The following TRIP4 variants were observed in gnomAD, a reference collection of about 807,000 sequenced individuals.
TRIP4 encodes activating signal cointegrator 1.
Under a neutral mutation model 81.8 loss-of-function variants are expected in TRIP4, and 54 were observed. The observed-to-expected ratio is 0.66, with a 90% CI of 0.53 to 0.83. The LOEUF is 0.83. Among genes scored for constraint, TRIP4 ranks in the 40% least tolerant of loss-of-function variants. The pLI is 0.00. For synonymous variants in TRIP4, 270 were observed against 242.8 expected, an observed-to-expected ratio of 1.11 and a Z score of -1.04; for missense variants, 662 against 683.6, an observed-to-expected ratio of 0.97 and a Z score of 0.35.
At chr15:64,411,294 T>A (rs969349277) in intron 7 of TRIP4, among the ~76,000 whole-genome samples, 1 of 152,198 alleles carries the variant, frequency 6.6e-6, no homozygotes, top group African/African-American at 2.4e-5. Flanking sequence ...TGAACGCTAA[T>A]GTAAACTATG....
rs1207887971 is a variant in TRIP4 at position 64,397,967 on chromosome 15, C to G, written c.618+149C>G. ...CCAGGCTGGAGTGCAGTGGCACGAT[C>G]TCGGCTCGCTGCAGGCTCTGCCTCC... On this transcript the variant is annotated intron_variant, in intron 4 of 12. Transcript: ENST00000261884. The G allele has an allele frequency of 4.9e-6, 4 of 814,338 alleles. No homozygotes were observed. In the East Asian group the frequency reaches 1.1e-4, roughly 22 times the overall value. 50.4% of individuals were successfully genotyped at this position (814,338 alleles called of 1,614,324 possible).
Position 64,451,967 on chromosome 15 carries a change from AAT to A in TRIP4, c.1679-3029_1679-3028del, listed in dbSNP as rs1491352763. ...TGTGCCCGGCCCAAAAAAAAAAAAA[AAT>A]TTTTTTTTTAGACAGGTCTCACTCT... is the stretch of plus-strand genomic sequence containing the variant. On this transcript the variant is annotated intron_variant, in intron 12 of 12. Transcript: ENST00000261884. Among the ~76,000 whole-genome samples, 7 of 147,466 alleles carry A rather than the reference AAT, an allele frequency of 4.7e-5. No individual in the cohort carries two copies. In the South Asian group the frequency reaches 6.5e-4, roughly 14 times the overall value.
chr15:64,402,346 C>A (rs1167938977), intron 5 of TRIP4, among the ~76,000 whole-genome samples: 1 of 150,258 alleles, frequency 6.7e-6, no homozygotes, highest in Non-Finnish European at 1.5e-5. Flanking sequence ...CCTCAGCCTC[C>A]CCAGTAGGTG....
intron 5 of TRIP4, among the ~76,000 whole-genome samples, chr15:64,403,238 C>T (rs1596339769): frequency 6.6e-6 from 1 of 152,110 alleles, no homozygotes; most frequent in East Asian, 1.9e-4. Context: ...CTGACTGCAA[C>T]CTCTGCCTCC....
chr15:64,425,241 G>A lies in TRIP4; in HGVS notation c.1484-299G>A, dbSNP rs149603143. ...CCAAACTCCAATCTGATCCAATGGC[G>A]TATAGTAGAATCGATTTGTATTAGG... On this transcript the variant is annotated intron_variant, in intron 10 of 12. Coordinates refer to ENST00000261884, the MANE Select transcript of TRIP4 (RefSeq NM_016213.5). 2.4e-4 allele frequency among the ~76,000 whole-genome samples: 36 copies of A among 151,896 alleles called. No individual in the cohort carries two copies. The East Asian group carries it at 6.0e-3, about 25-fold the overall frequency.
At chr15:64,400,371 G>C (rs1053818858) in intron 4 of TRIP4, among the ~76,000 whole-genome samples, 2 of 147,490 alleles carry the variant, frequency 1.4e-5, no homozygotes, top group Non-Finnish European at 3.0e-5. Flanking sequence ...ATGGGGTTTG[G>C]CCATGTTGCC....
chr15:64,410,727 A>G (rs1195822151), intron 7 of TRIP4, among the ~76,000 whole-genome samples: 2 of 152,188 alleles, frequency 1.3e-5, no homozygotes, highest in African/African-American at 4.8e-5. Flanking sequence ...TCATGAAGAT[A>G]TAAGATATTT....
chr15:64,393,912 C>A, intron 1 of TRIP4, 34 bp from the exon 2 acceptor site: 1 of 1,533,712 alleles, frequency 6.5e-7, no homozygotes, highest in South Asian at 1.3e-5. Context: ...GTAAGTTAGT[C>A]TTGTTTCAAC....
At chr15:64,451,754 A>G (rs1438329392) in intron 12 of TRIP4, among the ~76,000 whole-genome samples, 1 of 149,334 alleles carries the variant, frequency 6.7e-6, no homozygotes, top group Admixed American at 6.7e-5. Context: ...CCTGGGTTCA[A>G]GTGATTCTCC....
chr15:64,422,360 A>G (rs1328497771), intron 9 of TRIP4, among the ~76,000 whole-genome samples: 4 of 152,222 alleles, frequency 2.6e-5, no homozygotes, highest in Admixed American at 1.3e-4. Flanking sequence ...ACTTAAAAGC[A>G]AATGATTATC....
At chr15:64,439,648 C>T (rs180795363) in intron 11 of TRIP4, among the ~76,000 whole-genome samples, 3 of 149,950 alleles carry the variant, frequency 2.0e-5, no homozygotes, top group Admixed American at 1.4e-4. Context: ...CTCAGCCTCC[C>T]GAGTGGCTGG....
At chr15:64,405,116 G>A (rs896107893) in intron 5 of TRIP4, among the ~76,000 whole-genome samples, 1 of 151,688 alleles carries the variant, frequency 6.6e-6, no homozygotes, top group African/African-American at 2.4e-5. Flanking sequence ...AGTTATACTC[G>A]AGCTCAGATT....
At chr15:64,391,021 A>G (rs1436672470) in intron 1 of TRIP4, among the ~76,000 whole-genome samples, 1 of 152,258 alleles carries the variant, frequency 6.6e-6, no homozygotes, top group Non-Finnish European at 1.5e-5. Context: ...CTATTATGCC[A>G]TGATGAAAGC....
chr15:64,393,889 A>C, intron 1 of TRIP4, 57 bp from the exon 2 acceptor site: 2 of 1,473,434 alleles, frequency 1.4e-6, no homozygotes, highest in Non-Finnish European at 1.8e-6. Flanking sequence ...TGTTAAGATT[A>C]CTGAGAAACA....
In TRIP4 at chr15:64,406,593, C is replaced by T. The variant is rs1891628356; in HGVS notation, c.827+134C>T. 6 of 1,042,274 alleles carry T rather than the reference C, an allele frequency of 5.8e-6. No homozygotes were observed. The South Asian group carries it at 1.1e-4, about 18-fold the overall frequency. The allele number at this position is 1,042,274 out of a possible 1,614,324, so 64.6% of individuals were successfully genotyped here. On this transcript the variant is annotated intron_variant, in intron 6 of 12. Coordinates refer to ENST00000261884, the MANE Select transcript of TRIP4 (RefSeq NM_016213.5). Reference sequence around the variant, plus strand: ...AGCAAAAGAAGAGCCAGATGCTCTACATAGGAGGCCTACATCTTGTTTTTT... The same window carrying T: ...AGCAAAAGAAGAGCCAGATGCTCTATATAGGAGGCCTACATCTTGTTTTTT...
intron 12 of TRIP4, among the ~76,000 whole-genome samples, chr15:64,448,695 G>C (rs1033706104): frequency 6.6e-6 from 1 of 152,010 alleles, no homozygotes; most frequent in African/African-American, 2.4e-5. Flanking sequence ...GAACTCCTGA[G>C]CTCAGGTGAT....
chr15:64,390,611 C>T (rs2140544475), intron 1 of TRIP4, among the ~76,000 whole-genome samples: 1 of 152,170 alleles, frequency 6.6e-6, no homozygotes, highest in Non-Finnish European at 1.5e-5. Flanking sequence ...CGTTCTCAGG[C>T]CAGGCGTGGT....
intron 1 of TRIP4, among the ~76,000 whole-genome samples, chr15:64,389,967 G>A (rs1900073230): frequency 6.7e-6 from 1 of 149,888 alleles, no homozygotes; most frequent in African/African-American, 2.4e-5. Context: ...CTCCCAAAGT[G>A]CTGGGATTAC....
chr15:64,439,361 A>G (rs1319949364), intron 11 of TRIP4, among the ~76,000 whole-genome samples: 1 of 152,014 alleles, frequency 6.6e-6, no homozygotes, highest in Non-Finnish European at 1.5e-5. Flanking sequence ...GTTGGTTTTC[A>G]GCTAACGAGA....
Sources: allele counts gnomAD v4.1 joint callset (sites outside exome capture counted in the v4.1 genomes callset), GRCh38; gene constraint gnomAD v4.1.1; transcripts MANE v1.5; gene names NCBI Gene and HGNC (gene_info 2026-07-23, HGNC 2026-07-21).